The following FADS2 variants were observed in gnomAD, a reference collection of about 807,000 sequenced individuals.
FADS2 encodes the protein fatty acid desaturase 2, also known as acyl-CoA 6-desaturase.
FADS2 carries 18 observed loss-of-function variants against 61.2 expected under a neutral mutation model. The ratio of observed to expected loss-of-function variants is 0.29; its 90% CI spans 0.20 to 0.44. The LOEUF (loss-of-function observed/expected upper bound fraction) is 0.44, where lower values mean the gene tolerates loss of function less well. Among genes scored for constraint, FADS2 ranks in the 20% least tolerant of loss-of-function variants. The pLI, the probability that FADS2 is intolerant of heterozygous loss-of-function variation, is 1.00. For synonymous variants in FADS2, 203 were observed against 223.9 expected (o/e 0.91, Z 0.83); for missense variants, 322 against 572.7 (o/e 0.56, Z 4.47).
At chr11:61,838,301 G>A (rs1034775696) in intron 2 of FADS2, among the ~76,000 whole-genome samples, 5 of 152,042 alleles carry the variant, frequency 3.3e-5, no homozygotes, top group African/African-American at 9.7e-5. Context: ...CAGGTCAGAC[G>A]CCCCCCTGGG....
chr11:61,824,481 AGAGAGAGAG>A (rs1565325355), upstream of FADS2, among the ~76,000 whole-genome samples: 8 of 8,294 alleles, frequency 9.6e-4, no homozygotes, highest in Admixed American at 2.2e-3. Context: ...AGAGAGAGAG[AGAGAGAGAG>A]AAAGAAAGAA....
intron 1 of FADS2, among the ~76,000 whole-genome samples, chr11:61,819,611 G>A (rs777102932): frequency 3.9e-5 from 6 of 152,142 alleles, no homozygotes; most frequent in Admixed American, 3.9e-4. Flanking sequence ...CTATGATAGC[G>A]GGAAATGGAA....
chr11:61,822,518 C>T (rs1303103753), intron 1 of FADS2, among the ~76,000 whole-genome samples: 1 of 152,142 alleles, frequency 6.6e-6, no homozygotes, highest in Non-Finnish European at 1.5e-5. Context: ...GGCTGTTGTC[C>T]TTGCTTCTCT....
chr11:61,853,691 T>C (rs1460334383), intron 5 of FADS2, among the ~76,000 whole-genome samples: 1 of 151,986 alleles, frequency 6.6e-6, no homozygotes, highest in Non-Finnish European at 1.5e-5. Context: ...AAGCCACCCA[T>C]CCCGCCTTGG....
intron 7 of FADS2, among the ~76,000 whole-genome samples, chr11:61,859,886 T>C (rs1194635766): frequency 6.6e-6 from 1 of 152,236 alleles, no homozygotes; most frequent in Non-Finnish European, 1.5e-5. Context: ...CTCAGGAGGC[T>C]GAGGCAGGAG....
intron 1 of FADS2, among the ~76,000 whole-genome samples, chr11:61,834,540 A>G (rs2067154765): frequency 6.6e-6 from 1 of 152,300 alleles, no homozygotes. Flanking sequence ...GCAGCAACCA[A>G]GGTCAAGGCA....
intron 10 of FADS2, among the ~76,000 whole-genome samples, chr11:61,864,583 C>T (rs1010612384): frequency 2.7e-4 from 41 of 152,024 alleles, no homozygotes; most frequent in African/African-American, 9.7e-4. Flanking sequence ...TTAGTGGAGA[C>T]GGGGTTTCAC....
chr11:61,836,393 C>T (rs945878653), intron 1 of FADS2, among the ~76,000 whole-genome samples: 3 of 150,346 alleles, frequency 2.0e-5, no homozygotes, highest in South Asian at 2.1e-4. Context: ...CCACTGTGCC[C>T]GGCCTGTTTG....
chr11:61,846,271 C>T (rs544846106), intron 4 of FADS2, among the ~76,000 whole-genome samples: 7 of 152,126 alleles, frequency 4.6e-5, no homozygotes, highest in Non-Finnish European at 8.8e-5. Flanking sequence ...TGCCCGCCAC[C>T]ACGCCCAGAT....
chr11:61,865,174 C>T lies in FADS2; in HGVS notation c.1180C>T (p.His394Tyr). The change falls in exon 11 of 12, where the codon CAC becomes TAC. Residue 394 changes from histidine to tyrosine, a missense_variant. His to Tyr is a moderately conservative substitution (Grantham distance 83). Transcript: ENST00000278840. The surrounding 1 kb of genome is among the most constrained non-coding windows in gnomAD (Gnocchi z 4.1). Reference sequence around the variant, plus strand: ...CAGCCTCTTCCCCACCATGCCCCGGCACAACTTACACAAGATCGCCCCGCT... The same window carrying T: ...CAGCCTCTTCCCCACCATGCCCCGGTACAACTTACACAAGATCGCCCCGCT... ...EHHLFPTMPR[H>Y]NLHKIAPLVK... The T allele has an allele frequency of 6.2e-7, 1 of 1,613,770 alleles. No individual in the cohort carries two copies. The highest frequency in any genetic ancestry group is 8.5e-7 in the Non-Finnish European group (1 of 1,179,962).
intron 4 of FADS2, among the ~76,000 whole-genome samples, chr11:61,841,302 G>A (rs2067215100): frequency 6.6e-6 from 1 of 151,972 alleles, no homozygotes; most frequent in African/African-American, 2.4e-5. Flanking sequence ...TACCTGCCTT[G>A]GCCTCCCAAA....
In FADS2 at chr11:61,840,702, A is replaced by G; in HGVS notation, c.595A>G (p.Lys199Glu). 6.2e-7 allele frequency: 1 copy of G among 1,614,144 alleles called. No homozygotes were observed. Among genetic ancestry groups the G allele is most frequent in the Non-Finnish European group, 8.5e-7 (1 of 1,179,978 alleles). ...RKPKWNHLVH[K>E]FVIGHLKGAS... The stretch of plus-strand genomic sequence containing the variant: ...ACCCAAGTGGAACCACCTTGTCCAC[A>G]AATTCGTCATTGGCCACTTAAAGGT... The change falls in exon 4 of 12, where the codon AAA becomes GAA. Residue 199 changes from lysine to glutamate, a missense_variant. Physicochemically the swap from Lys to Glu is moderately conservative, Grantham distance 56. Around this residue, in one of 3 missense-constraint regions of FADS2, gnomAD observed 221 missense variants for 427.9 expected, o/e 0.52. Transcript: ENST00000278840.
intron 1 of FADS2, among the ~76,000 whole-genome samples, chr11:61,819,418 C>T (rs972702283): frequency 1.6e-4 from 24 of 152,190 alleles, no homozygotes; most frequent in Non-Finnish European, 2.6e-4. Context: ...TGGCGGCGTG[C>T]GCCTGTAGTC....
At chr11:61,843,744 C>T (rs2526680) in intron 4 of FADS2, among the ~76,000 whole-genome samples, 14,579 of 152,160 alleles carry the variant, frequency 0.096, 1,326 homozygotes, top group East Asian at 0.41. Context: ...CTGAAACCTC[C>T]GTCTCCCGGG....
chr11:61,851,439 G>A (rs1260050027), intron 5 of FADS2, among the ~76,000 whole-genome samples: 1 of 152,238 alleles, frequency 6.6e-6, no homozygotes. Flanking sequence ...GCGTTTGGAA[G>A]TCCCCAGCCA....
Position 61,865,713 on chromosome 11 carries a change from G to T in FADS2, c.*24G>T, listed in dbSNP as rs964847672. 1 of 1,601,456 alleles carries T rather than the reference G, an allele frequency of 6.2e-7. No homozygotes were observed. Among genetic ancestry groups the T allele is most frequent in the South Asian group, 1.1e-5 (1 of 89,740 alleles). On this transcript the variant is annotated 3_prime_UTR_variant, in exon 12 of 12. Transcript: ENST00000278840. The surrounding 1 kb of genome is among the most constrained non-coding windows in gnomAD (Gnocchi z 4.1). ...GAAGCCACAGCCCCCGGGACACCGTGGGGAAGGGGTGCAGGTGGGGTGATG... is the reference window on the plus strand; with the variant it reads ...GAAGCCACAGCCCCCGGGACACCGTTGGGAAGGGGTGCAGGTGGGGTGATG...
At chr11:61,823,935 T>C (rs1227917496), upstream of FADS2, among the ~76,000 whole-genome samples, 1 of 152,232 alleles carries the variant, frequency 6.6e-6, no homozygotes, top group Non-Finnish European at 1.5e-5. Context: ...AAAATAGTTA[T>C]GACTTTCACC....
At chr11:61,842,375 G>T (rs761258631) in intron 4 of FADS2, among the ~76,000 whole-genome samples, 23 of 152,206 alleles carry the variant, frequency 1.5e-4, no homozygotes, top group Non-Finnish European at 2.9e-4. Context: ...TTCTCTGTTG[G>T]ATCAAACCCT....
intron 1 of FADS2, chr11:61,821,600 C>T (rs1279080672): frequency 3.5e-6 from 2 of 572,540 alleles, no homozygotes; most frequent in Non-Finnish European, 6.2e-6. Context: ...GCTGCAGCCT[C>T]CCCTCAGTAG....
Sources: allele counts gnomAD v4.1 joint callset (sites outside exome capture counted in the v4.1 genomes callset), GRCh38; gene constraint gnomAD v4.1.1; regional missense constraint gnomAD v4.1.1; non-coding constraint Gnocchi (gnomAD v3.1); transcripts MANE v1.5; gene names NCBI Gene and HGNC (gene_info 2026-07-23, HGNC 2026-07-21).